The following MAP2 variants were observed in gnomAD, a reference collection of about 807,000 sequenced individuals.
MAP2 encodes microtubule associated protein 2.
Under a neutral mutation model 137.6 loss-of-function variants are expected in MAP2, and 14 were observed. The ratio of observed to expected loss-of-function variants is 0.10; its 90% CI spans 0.07 to 0.16. The LOEUF (loss-of-function observed/expected upper bound fraction) is 0.16, where lower values mean the gene tolerates loss of function less well. Ranked by LOEUF, MAP2 falls within the 10% of genes least tolerant of loss-of-function variation. The probability of loss-of-function intolerance (pLI) is 1.00; values close to 1 mark genes in which losing one functional copy is unlikely to be tolerated. For missense variants in MAP2, 2,088 were observed against 2,191.5 expected (o/e 0.95, Z 0.94); for synonymous variants, 786 against 782.3 (o/e 1.00, Z -0.08).
At chr2:209,633,049 C>A (rs1395935419) in intron 4 of MAP2, among the ~76,000 whole-genome samples, 4 of 152,178 alleles carry the variant, frequency 2.6e-5, no homozygotes, top group African/African-American at 9.6e-5. Flanking sequence ...GCAGCTGTTT[C>A]TGGACAATCT....
chr2:209,640,632 A>G (rs954408043), intron 4 of MAP2, among the ~76,000 whole-genome samples: 3 of 152,092 alleles, frequency 2.0e-5, no homozygotes, highest in Non-Finnish European at 4.4e-5. Context: ...TGAACACGTT[A>G]GAGACAGAGC....
At chr2:209,673,111 C>A (rs2153667275) in intron 5 of MAP2, among the ~76,000 whole-genome samples, 1 of 151,928 alleles carries the variant, frequency 6.6e-6, no homozygotes, top group Non-Finnish European at 1.5e-5. Context: ...TAGTGGTGAT[C>A]TGCTATCATC....
chr2:209,680,710 T>C (rs2054201006), intron 6 of MAP2, 40 bp from the exon 7 acceptor site: 1 of 1,538,786 alleles, frequency 6.5e-7, no homozygotes, highest in Non-Finnish European at 9.0e-7. Flanking sequence ...CCTAAAAGGA[T>C]TAATTATTGC....
At chr2:209,526,274 C>A (rs2064033147) in intron 2 of MAP2, among the ~76,000 whole-genome samples, 1 of 151,902 alleles carries the variant, frequency 6.6e-6, no homozygotes. Flanking sequence ...TAGGAAGTGA[C>A]CTCATGAAAA....
At chr2:209,621,256 G>GTTTTTTTTTT in intron 3 of MAP2, among the ~76,000 whole-genome samples, 1 of 135,950 alleles carries the variant, frequency 7.4e-6, no homozygotes, top group South Asian at 2.9e-4. Context: ...CAGGCATCTT[G>GTTTTTTTTTT]ATTTTTTTTT....
chr2:209,692,337 C>CAA lies in MAP2; in HGVS notation c.455-275_455-274dup, dbSNP rs11449791. 8.1e-3 allele frequency among the ~76,000 whole-genome samples: 1,081 copies of CAA among 133,498 alleles called. 5 individuals are homozygous for CAA. Among genetic ancestry groups the CAA allele is most frequent in the Non-Finnish European group, 0.011 (701 of 64,124 alleles). 87.6% of individuals were successfully genotyped at this position (133,498 alleles called of 152,430 possible). A position where few individuals can be genotyped will look rare whatever the true frequency, so the allele number is the denominator to read the frequency against. ...ACATCACATAATGTTTAGGAGAGAC[C>CAA]AAAAAAAAAAAAAACAAAGAAAAAA... On this transcript the variant is annotated intron_variant, in intron 7 of 15. Coordinates refer to ENST00000682079, the MANE Select transcript of MAP2 (RefSeq NM_001375505.1).
chr2:209,726,991 T>C (rs1159623803), intron 14 of MAP2, among the ~76,000 whole-genome samples: 1 of 152,194 alleles, frequency 6.6e-6, no homozygotes, highest in Non-Finnish European at 1.5e-5. Context: ...ATTATTCTGC[T>C]AGTCAGGAGA....
chr2:209,484,487 C>T (rs1187567515), intron 1 of MAP2, among the ~76,000 whole-genome samples: 1 of 152,092 alleles, frequency 6.6e-6, no homozygotes, highest in African/African-American at 2.4e-5. Context: ...GTCAGCAGTT[C>T]GAGACCAGCC....
intron 5 of MAP2, among the ~76,000 whole-genome samples, chr2:209,658,066 G>T (rs185958513): frequency 2.0e-5 from 3 of 152,266 alleles, no homozygotes; most frequent in Admixed American, 2.0e-4. Flanking sequence ...GAAGATAACT[G>T]GGAGCCTCAT....
At chr2:209,655,738 C>A (rs551900785) in intron 5 of MAP2, among the ~76,000 whole-genome samples, 85 of 152,288 alleles carry the variant, frequency 5.6e-4, no homozygotes, top group Non-Finnish European at 1.1e-3. Flanking sequence ...ATCTATACAT[C>A]AGCTCACTCT....
At chr2:209,562,936 T>A (rs1295681316) in intron 2 of MAP2, among the ~76,000 whole-genome samples, 1 of 152,160 alleles carries the variant, frequency 6.6e-6, no homozygotes, top group Non-Finnish European at 1.5e-5. Context: ...CTCAGGATAT[T>A]AAAAGACTAA....
chr2:209,641,907 C>T (rs758345344), intron 4 of MAP2, among the ~76,000 whole-genome samples: 3 of 152,010 alleles, frequency 2.0e-5, no homozygotes, highest in African/African-American at 2.4e-5. Context: ...TGTTACCAAT[C>T]GAGCAGGTTT....
intron 13 of MAP2, among the ~76,000 whole-genome samples, chr2:209,711,638 T>C (rs905298676): frequency 4.6e-5 from 7 of 152,214 alleles, no homozygotes; most frequent in Non-Finnish European, 1.0e-4. Flanking sequence ...TATTCTTGCG[T>C]TCATCAGAGT....
At chr2:209,667,982 T>C (rs2047090593) in intron 5 of MAP2, among the ~76,000 whole-genome samples, 1 of 152,026 alleles carries the variant, frequency 6.6e-6, no homozygotes, top group South Asian at 2.1e-4. Context: ...CTCCTTGCCC[T>C]ATATCAGGCT....
At chr2:209,478,154 T>TC (rs1707818231) in intron 1 of MAP2, among the ~76,000 whole-genome samples, 1 of 152,044 alleles carries the variant, frequency 6.6e-6, no homozygotes, top group Non-Finnish European at 1.5e-5. Context: ...AACAAAAAAT[T>TC]CTGGTAAACA....
intron 4 of MAP2, among the ~76,000 whole-genome samples, chr2:209,643,734 T>C (rs2094204992): frequency 6.6e-6 from 1 of 152,192 alleles, no homozygotes; most frequent in African/African-American, 2.4e-5. Flanking sequence ...TAAACATTCT[T>C]GGAAGATACT....
At chr2:209,523,421 T>C (rs2063563517) in intron 2 of MAP2, among the ~76,000 whole-genome samples, 1 of 152,148 alleles carries the variant, frequency 6.6e-6, no homozygotes, top group Non-Finnish European at 1.5e-5. Context: ...TGGATTGCTG[T>C]TACTATTCCA....
chr2:209,488,890 C>T (rs187506768), intron 1 of MAP2, among the ~76,000 whole-genome samples: 3 of 152,340 alleles, frequency 2.0e-5, no homozygotes, highest in Non-Finnish European at 2.9e-5. Context: ...TCCTGCCTGC[C>T]AGCTCTGAGG....
intron 6 of MAP2, among the ~76,000 whole-genome samples, chr2:209,679,343 A>C (rs970816580): frequency 1.0e-5 from 1 of 98,868 alleles, no homozygotes; most frequent in Admixed American, 8.6e-5. Context: ...AGATAGATAG[A>C]TAGATAGATA....
Sources: gnomAD v4.1 joint callset for allele counts (sites outside exome capture counted in the v4.1 genomes callset) on GRCh38, gnomAD v4.1.1 for gene constraint, MANE v1.5 for transcripts, NCBI Gene and HGNC (gene_info 2026-07-23, HGNC 2026-07-21) for gene names.